The following ZBTB4 variants were observed in gnomAD, a reference collection of about 807,000 sequenced individuals.
ZBTB4 encodes zinc finger and BTB domain containing 4.
ZBTB4 carries 14 observed loss-of-function variants against 59.8 expected under a neutral mutation model. The observed-to-expected ratio is 0.23, with a 90% confidence interval of 0.15 to 0.37. The LOEUF (loss-of-function observed/expected upper bound fraction) is 0.37, where lower values mean the gene tolerates loss of function less well. ZBTB4 is among the 10% of genes least tolerant of loss of function. The pLI, the probability that ZBTB4 is intolerant of heterozygous loss-of-function variation, is 1.00. For missense variants in ZBTB4, 1,198 were observed against 1,380.8 expected (o/e 0.87, Z 2.10); for synonymous variants, 587 against 575.2 (o/e 1.02, Z -0.29).
chr17:7,466,667 G>A lies in ZBTB4; in HGVS notation c.135C>T (p.Arg45=), dbSNP rs777423218. 1 of 1,613,148 alleles carries A rather than the reference G, an allele frequency of 6.2e-7. No homozygotes were observed. Among genetic ancestry groups the A allele is most frequent in the South Asian group, 1.1e-5 (1 of 90,764 alleles). Residue 45 remains arginine, a synonymous_variant, in exon 3 of 4, where the codon CGC becomes CGT. Transcript: ENST00000380599. The surrounding 1 kb of genome is among the most constrained non-coding windows in gnomAD (Gnocchi z 9.1). ...AGGGACTTGAAGCAGCCAGGACGCT[G>A]CGGTGAGCAGGGAACTTGGTGTCTC... ...IAGDTKFPAH[R]SVLAASSPFF...
At chr17:7,478,448 A>C (rs1270874888) in intron 1 of ZBTB4, among the ~76,000 whole-genome samples, 1 of 151,928 alleles carries the variant, frequency 6.6e-6, no homozygotes. Context: ...AAACCCATCC[A>C]TCGCCCTCTT....
intron 3 of ZBTB4, among the ~76,000 whole-genome samples, chr17:7,464,911 C>T (rs901635138): frequency 6.7e-6 from 1 of 150,168 alleles, no homozygotes; most frequent in African/African-American, 2.5e-5. Flanking sequence ...AATCTCAGCA[C>T]TTTGGGAGGC....
chr17:7,482,968 C>G (rs546441778), upstream of ZBTB4: 1 of 1,611,910 alleles, frequency 6.2e-7, no homozygotes, highest in African/African-American at 1.3e-5. Flanking sequence ...CCTGGAACCT[C>G]AGCTGTGAGA....
chr17:7,467,151 T>A (rs978914212), intron 2 of ZBTB4, 106 bp downstream of exon 2: 1 of 1,102,378 alleles, frequency 9.1e-7, no homozygotes, highest in Admixed American at 4.6e-5. Flanking sequence ...CAACTCCTGA[T>A]AGCCATTTCA....
At chr17:7,468,074 CAG>C (rs1477684100) in intron 1 of ZBTB4, among the ~76,000 whole-genome samples, 1 of 152,184 alleles carries the variant, frequency 6.6e-6, no homozygotes, top group African/African-American at 2.4e-5. Flanking sequence ...GAGACTCGTC[CAG>C]AGGGAAGAGC....
upstream of ZBTB4, chr17:7,482,602 G>A (rs760084610): frequency 4.3e-6 from 7 of 1,612,158 alleles, no homozygotes; most frequent in Admixed American, 6.7e-5. Context: ...TGTCCCTGGG[G>A]CTTCTGGTCT....
intron 3 of ZBTB4, among the ~76,000 whole-genome samples, chr17:7,464,681 T>C (rs999145697): frequency 5.3e-5 from 8 of 150,918 alleles, no homozygotes; most frequent in Non-Finnish European, 1.2e-4. Flanking sequence ...CTACTAAAAA[T>C]ACAAAAATTA....
Position 7,466,111 on chromosome 17 carries a change from G to A in ZBTB4, c.691C>T (p.Arg231Trp), listed in dbSNP as rs1212462846. The A allele has an allele frequency of 1.1e-5, 18 of 1,606,580 alleles. No individual in the cohort carries two copies. The highest frequency in any genetic ancestry group is 6.7e-5 in the East Asian group (3 of 44,736). Residue 231 changes from arginine to tryptophan, a missense_variant, in exon 3 of 4, where the codon CGG becomes TGG. Around this residue, in one of 9 missense-constraint regions of ZBTB4, gnomAD observed 204 missense variants for 205.5 expected, o/e 0.99. Transcript: ENST00000380599. The surrounding 1 kb of genome is among the most constrained non-coding windows in gnomAD (Gnocchi z 9.1). ...CACTGGGGGCAGGGGAGGGGCCGCC[G>A]GGGCAGGGAGCACTGCAAGTCAGGG... ...QAPDLQCSLP[R>W]RPLPCPQCGK...
rs1236233758 is a variant in ZBTB4 at position 7,462,239 on chromosome 17, C to T, written c.2743G>A (p.Val915Ile). The change falls in exon 4 of 4, where the codon GTC becomes ATC. Residue 915 changes from valine to isoleucine, a missense_variant. Transcript: ENST00000380599. This position sits in a 1 kb window ranked among gnomAD's most constrained non-coding sequence, Gnocchi z 7.5. Reference protein sequence around the residue: ...DRMEGIGAAKVTFYPEPYPLV... With the variant: ...DRMEGIGAAKITFYPEPYPLV... ...GGGTAGGGCTCAGGGTAGAAAGTGA[C>T]TTTGGCAGCCCCTATCCCCTCCATC... 1.9e-6 allele frequency: 3 copies of T among 1,613,740 alleles called. No individual in the cohort carries two copies. Among genetic ancestry groups the T allele is most frequent in the Admixed American group, 3.3e-5 (2 of 59,990 alleles).
At chr17:7,473,199 G>A (rs1445973008) in intron 1 of ZBTB4, among the ~76,000 whole-genome samples, 8 of 144,824 alleles carry the variant, frequency 5.5e-5, no homozygotes, top group Non-Finnish European at 9.0e-5. Flanking sequence ...TGCAAGCTCC[G>A]CCTCCCGGGT....
intron 1 of ZBTB4, among the ~76,000 whole-genome samples, chr17:7,474,592 G>A (rs1417694372): frequency 2.6e-5 from 4 of 152,040 alleles, no homozygotes; most frequent in Non-Finnish European, 5.9e-5. Context: ...CACGTAATAG[G>A]TGGTAAAAAC....
chr17:7,482,288 G>A (rs1459479024), upstream of ZBTB4: 2 of 1,614,026 alleles, frequency 1.2e-6, no homozygotes, highest in Non-Finnish European at 8.5e-7. Context: ...TGACATCCGA[G>A]GCCGGGCCTA....
rs1453984497 is a variant in ZBTB4, at chr17:7,462,863, A to G, written c.2119T>C (p.Trp707Arg). 1.2e-6 allele frequency: 2 copies of G among 1,605,320 alleles called. No homozygotes were observed. Among genetic ancestry groups the G allele is most frequent in the Non-Finnish European group, 1.7e-6 (2 of 1,179,794 alleles). ...RWRQKLERRS[W>R]EETPAAESPA... is the part of the protein sequence containing the mutation. ...CTCTCGGCCGCTGGGGTTTCCTCCC[A>G]GCTCCTCCGTTCCAGCTTCTGCCTC... The change falls in exon 4 of 4, where the codon TGG becomes CGG. Residue 707 changes from tryptophan (W) to arginine (R), a missense_variant. By Grantham distance (101) the Trp-to-Arg change is moderately radical. Coordinates refer to ENST00000380599, the MANE Select transcript of ZBTB4 (RefSeq NM_001128833.2). This position sits in a 1 kb window ranked among gnomAD's most constrained non-coding sequence, Gnocchi z 7.5.
rs771790964 is a variant in ZBTB4 at position 7,462,174 on chromosome 17, G to GT, written c.2807dup (p.Tyr936Ter). The GT allele has an allele frequency of 6.2e-7, 1 of 1,613,926 alleles. No individual in the cohort carries two copies. The highest frequency in any genetic ancestry group is 1.1e-5 in the South Asian group (1 of 91,076). The change falls in exon 4 of 4, where the codon TAC (tyrosine) becomes TAAC (stop). Residue 936 changes from tyrosine to a stop codon, truncating the protein, a stop_gained and frameshift_variant. Transcript: ENST00000380599. LOFTEE classifies it high-confidence loss of function. This position sits in a 1 kb window ranked among gnomAD's most constrained non-coding sequence, Gnocchi z 7.5. ...YGPQLLAAYP[Y>*]NFSNLAALPV... Reference sequence around the variant, plus strand: ...GGAGAGCGGCCAAGTTACTGAAGTTGTAAGGGTAGGCGGCAAGGAGCTGGG... The same window carrying GT: ...GGAGAGCGGCCAAGTTACTGAAGTTGTTAAGGGTAGGCGGCAAGGAGCTGGG...
intron 3 of ZBTB4, among the ~76,000 whole-genome samples, chr17:7,464,774 G>C (rs1323293889): frequency 3.3e-5 from 5 of 150,432 alleles, no homozygotes; most frequent in East Asian, 2.0e-4. Flanking sequence ...GGAGGTAGAG[G>C]TTGCACTGAG....
chr17:7,464,225 G>C (rs1342771091), intron 3 of ZBTB4, among the ~76,000 whole-genome samples: 2 of 152,158 alleles, frequency 1.3e-5, no homozygotes, highest in African/African-American at 4.8e-5. Flanking sequence ...AATGACTCCC[G>C]GACATGCCTG....
upstream of ZBTB4, chr17:7,482,766 T>G: frequency 6.2e-7 from 1 of 1,612,014 alleles, no homozygotes; most frequent in Non-Finnish European, 8.5e-7. Context: ...GCAGTGGGGA[T>G]CCTCGCCTTG....
chr17:7,459,571 A>G lies in ZBTB4; in HGVS notation c.*2369T>C, dbSNP rs1417187000. 2 of 152,290 alleles carry G rather than the reference A, an allele frequency of 1.3e-5. No homozygotes were observed. The highest frequency in any genetic ancestry group is 2.4e-5 in the African/African-American group (1 of 41,462). 9.4% of individuals were successfully genotyped at this position (152,290 alleles called of 1,614,324 possible). Reference sequence around the variant, plus strand: ...GCCACCACCCGTCTTCCCAGGGAACATGGGGAAAGAGGGCACGAACTGACA... The same window carrying G: ...GCCACCACCCGTCTTCCCAGGGAACGTGGGGAAAGAGGGCACGAACTGACA... On this transcript the variant is annotated 3_prime_UTR_variant, in exon 4 of 4. Transcript: ENST00000380599.
rs2069992705 is a variant in ZBTB4 at position 7,459,812 on chromosome 17, A to G, written c.*2128T>C. 2 of 152,582 alleles carry G rather than the reference A, an allele frequency of 1.3e-5. No individual in the cohort carries two copies. The highest frequency in any genetic ancestry group is 4.8e-5 in the African/African-American group (2 of 41,424). The allele number at this position is 152,582 out of a possible 1,614,324, so 9.5% of individuals were successfully genotyped here. On this transcript the variant is annotated 3_prime_UTR_variant, in exon 4 of 4. Coordinates refer to ENST00000380599, the MANE Select transcript of ZBTB4 (RefSeq NM_001128833.2). ...TCTACAATCTCAATTCTCCCAAAAA[A>G]AAATGTCCATGGTTTTGGAATTTTG...
Sources: allele counts gnomAD v4.1 joint callset (sites outside exome capture counted in the v4.1 genomes callset), GRCh38; gene constraint gnomAD v4.1.1; regional missense constraint gnomAD v4.1.1; non-coding constraint Gnocchi (gnomAD v3.1); transcripts MANE v1.5; gene names NCBI Gene and HGNC (gene_info 2026-07-23, HGNC 2026-07-21).